Variants in PARP3 observed in about 807,000 individuals in gnomAD.
PARP3 encodes the protein protein mono-ADP-ribosyltransferase PARP3.
Under a neutral mutation model 58.2 loss-of-function variants are expected in PARP3, and 46 were observed. That is an observed-to-expected ratio of 0.79 (90% CI 0.62 to 1.01). The LOEUF is 1.01. PARP3 is among the 50% of genes least tolerant of loss of function. The pLI is 0.00. For synonymous variants in PARP3, 252 were observed against 266.4 expected (o/e 0.95, Z 0.53); for missense variants, 663 against 683.9 (o/e 0.97, Z 0.34).
At position 51,947,757 on chromosome 3, in the gene PARP3, G is replaced by A; in HGVS notation, c.1294G>A (p.Gly432Arg). 2 of 1,614,158 alleles carry A rather than the reference G, an allele frequency of 1.2e-6. No homozygotes were observed. Among genetic ancestry groups the A allele is most frequent in the Non-Finnish European group, 1.7e-6 (2 of 1,180,010 alleles). Residue 432 changes from glycine to arginine, a missense_variant, in exon 10 of 11, where the codon GGG (glycine) becomes AGG (arginine). By Grantham distance (125) the Gly-to-Arg change is moderately radical. Coordinates refer to ENST00000398755, the MANE Select transcript of PARP3 (RefSeq NM_001003931.4). ...SAGYVIGMKC[G>R]AHHVGYMFLG... Reference sequence around the variant, plus strand: ...TCTTGCAGTTATTGGCATGAAGTGTGGGGCCCACCATGTCGGCTACATGTT... The same window carrying A: ...TCTTGCAGTTATTGGCATGAAGTGTAGGGCCCACCATGTCGGCTACATGTT...
rs1699629373 is a variant in PARP3, at chr3:51,944,680, C to T, written c.502-98C>T. 1 of 1,574,688 alleles carries T rather than the reference C, an allele frequency of 6.4e-7. No individual in the cohort carries two copies. The highest frequency in any genetic ancestry group is 2.3e-5 in the East Asian group (1 of 44,394). On this transcript the variant is annotated intron_variant, in intron 4 of 10. Transcript: ENST00000398755. This position sits in a 1 kb window ranked among gnomAD's most constrained non-coding sequence, Gnocchi z 4.2. ...CTGCCACTGCCCAGCTGCGCAGCCT[C>T]AGCCACAGAACTCCCCTCTGGCCTC...
Position 51,946,062 on chromosome 3 carries a change from C to A in PARP3, c.1099-104C>A. 7.4e-7 allele frequency: 1 copy of A among 1,345,028 alleles called. No homozygotes were observed. Among genetic ancestry groups the A allele is most frequent in the Non-Finnish European group, 1.1e-6 (1 of 950,422 alleles). 83.3% of individuals were successfully genotyped at this position (1,345,028 alleles called of 1,614,324 possible). On this transcript the variant is annotated intron_variant, in intron 8 of 10. Coordinates refer to ENST00000398755, the MANE Select transcript of PARP3 (RefSeq NM_001003931.4). The surrounding 1 kb of genome is among the most constrained non-coding windows in gnomAD (Gnocchi z 4.6). ...TCAGTTTCTGCCGGCCATGAGTGCG[C>A]GTGAGTAAGCAGAGGGACACTAGGC... is the stretch of plus-strand genomic sequence containing the variant.
In PARP3 at chr3:51,942,497, C is replaced by T; in HGVS notation, c.-214C>T. The T allele has an allele frequency of 1.5e-6, 1 of 670,752 alleles. No homozygotes were observed. The highest frequency in any genetic ancestry group is 2.8e-6 in the Non-Finnish European group (1 of 362,990). The allele number at this position is 670,752 out of a possible 1,614,324, so 41.6% of individuals were successfully genotyped here. On this transcript the variant is annotated 5_prime_UTR_variant, in exon 1 of 11. Coordinates refer to ENST00000398755, the MANE Select transcript of PARP3 (RefSeq NM_001003931.4). ...GACTGGTCGCCTGACTCGGCCTGCCCCAGCCTCTGCTTCACCCCACTGGTG... is the reference window on the plus strand; with the variant it reads ...GACTGGTCGCCTGACTCGGCCTGCCTCAGCCTCTGCTTCACCCCACTGGTG...
chr3:51,943,331 G>A lies in PARP3; in HGVS notation c.-2-23G>A, dbSNP rs761070887. The A allele has an allele frequency of 2.6e-5, 40 of 1,545,406 alleles. No individual in the cohort carries two copies. In the Middle Eastern group the frequency reaches 1.4e-3, roughly 54 times the overall value. On this transcript the variant is annotated intron_variant, in intron 1 of 10. Coordinates refer to ENST00000398755, the MANE Select transcript of PARP3 (RefSeq NM_001003931.4). ...GATGAGGAGACCATGGAGGCCTAAGGGCCTCTCTGTGCCCCAGGACAGCCA... is the reference window on the plus strand; with the variant it reads ...GATGAGGAGACCATGGAGGCCTAAGAGCCTCTCTGTGCCCCAGGACAGCCA...
rs1480770172 is a variant in PARP3 at position 51,946,131 on chromosome 3, G to A, written c.1099-35G>A. ...GGCAAGGCGACTGAGTGCTCGGGTG[G>A]CATCACTCCCATTTCTCACTTCCTC... On this transcript the variant is annotated intron_variant, in intron 8 of 10. Transcript: ENST00000398755. The surrounding 1 kb of genome is among the most constrained non-coding windows in gnomAD (Gnocchi z 4.6). The A allele has an allele frequency of 1.9e-6, 3 of 1,555,664 alleles. No homozygotes were observed. Among genetic ancestry groups the A allele is most frequent in the South Asian group, 1.2e-5 (1 of 82,550 alleles).
In PARP3 at chr3:51,948,547, T is replaced by A; in HGVS notation, c.*67T>A. On this transcript the variant is annotated 3_prime_UTR_variant, in exon 11 of 11. Coordinates refer to ENST00000398755, the MANE Select transcript of PARP3 (RefSeq NM_001003931.4). The stretch of plus-strand genomic sequence containing the variant: ...GATCTTCAATCATCCTGCCCATCTC[T>A]GGTACCCCTATATCACTCCTTTTTT... 1 of 1,399,696 alleles carries A rather than the reference T, an allele frequency of 7.1e-7. No individual in the cohort carries two copies. The allele number at this position is 1,399,696 out of a possible 1,614,324, so 86.7% of individuals were successfully genotyped here.
chr3:51,944,664 C>A lies in PARP3; in HGVS notation c.501+86C>A. ...TCCCGCTGGTTGGGCTCTGCCACTG[C>A]CCAGCTGCGCAGCCTCAGCCACAGA... On this transcript the variant is annotated intron_variant, in intron 4 of 10. Transcript: ENST00000398755. The surrounding 1 kb of genome is among the most constrained non-coding windows in gnomAD (Gnocchi z 4.2). The A allele has an allele frequency of 6.3e-7, 1 of 1,575,138 alleles. No individual in the cohort carries two copies. The highest frequency in any genetic ancestry group is 1.2e-5 in the South Asian group (1 of 86,458).
rs1699685710 is a variant in PARP3 at position 51,946,736 on chromosome 3, G to A, written c.1276+393G>A. On this transcript the variant is annotated intron_variant, in intron 9 of 10. Transcript: ENST00000398755. This position sits in a 1 kb window ranked among gnomAD's most constrained non-coding sequence, Gnocchi z 4.6. Reference sequence around the variant, plus strand: ...ATCACACTCCAGCCTGTGTGACAGAGCCAGACTCCATCTGAAAAAATAAAA... The same window carrying A: ...ATCACACTCCAGCCTGTGTGACAGAACCAGACTCCATCTGAAAAAATAAAA... Among the ~76,000 whole-genome samples, 1 of 152,184 alleles carries A rather than the reference G, an allele frequency of 6.6e-6. No individual in the cohort carries two copies. The highest frequency in any genetic ancestry group is 6.5e-5 in the Admixed American group (1 of 15,278).
At chr3:51,948,159 GC>G in intron 10 of PARP3, 151 bp from the exon 11 acceptor site, 1 of 822,694 alleles carries the variant, frequency 1.2e-6, no homozygotes. Flanking sequence ...CCAGGCAGAA[GC>G]CCCAGCCCCT....
At position 51,944,790 on chromosome 3, in the gene PARP3, C is replaced by A. The variant is rs764655833; in HGVS notation, c.514C>A (p.Pro172Thr). The change falls in exon 5 of 11, where the codon CCA (proline) becomes ACA (threonine). Residue 172 changes from proline (P) to threonine (T), a missense_variant. By Grantham distance (38) the Pro-to-Thr change is conservative (BLOSUM62 -1). This residue lies in a region of PARP3 where 567 missense variants were observed against 553.6 expected (regional missense o/e 1.02). Transcript: ENST00000398755. This position sits in a 1 kb window ranked among gnomAD's most constrained non-coding sequence, Gnocchi z 4.2. ...CCTCTATCTTCAGGTGGACAGAGGC[C>A]CAGTGAGGACTGTGACTAAGCGGGT... ...QEAVVKVDRG[P>T]VRTVTKRVQP... 6.2e-6 allele frequency: 10 copies of A among 1,611,152 alleles called. No homozygotes were observed. In the Admixed American group the frequency reaches 1.7e-4, roughly 27 times the overall value.
rs1251218912 is a variant in PARP3 at position 51,944,376 on chromosome 3, G to A, written c.313-14G>A. The A allele has an allele frequency of 6.2e-7, 1 of 1,613,398 alleles. No homozygotes were observed. The highest frequency in any genetic ancestry group is 8.5e-7 in the Non-Finnish European group (1 of 1,179,820). ...GCTGATGGTGGGCATACCCCTGAAG[G>A]CTGTCGGTTGCAGGGAGAGGTCGGC... is the stretch of plus-strand genomic sequence containing the variant. On this transcript the variant is annotated splice_polypyrimidine_tract_variant and intron_variant, in intron 3 of 10. Coordinates refer to ENST00000398755, the MANE Select transcript of PARP3 (RefSeq NM_001003931.4). This position sits in a 1 kb window ranked among gnomAD's most constrained non-coding sequence, Gnocchi z 4.2.
Position 51,944,390 on chromosome 3 carries a change from G to A in PARP3, c.313G>A (p.Gly105Arg). Residue 105 changes from glycine (G) to arginine (R), a missense_variant and splice_region_variant, in exon 4 of 11, where the codon GGA (glycine) becomes AGA (arginine). By Grantham distance (125) the Gly-to-Arg change is moderately radical (BLOSUM62 -2). Around this residue, in one of 3 missense-constraint regions of PARP3, gnomAD observed 567 missense variants for 553.6 expected, o/e 1.02. Coordinates refer to ENST00000398755, the MANE Select transcript of PARP3 (RefSeq NM_001003931.4). This position sits in a 1 kb window ranked among gnomAD's most constrained non-coding sequence, Gnocchi z 4.2. ...FTCWNRWGRVGEVGQSKINHF... is the reference protein window; with the variant it reads ...FTCWNRWGRVREVGQSKINHF... ...TACCCCTGAAGGCTGTCGGTTGCAG[G>A]GAGAGGTCGGCCAGTCAAAGATCAA... 6.2e-7 allele frequency: 1 copy of A among 1,613,734 alleles called. No homozygotes were observed. Among genetic ancestry groups the A allele is most frequent in the Non-Finnish European group, 8.5e-7 (1 of 1,180,018 alleles).
At chr3:51,945,721 A>AG in intron 7 of PARP3, 77 bp downstream of exon 7, 1 of 1,559,422 alleles carries the variant, frequency 6.4e-7, no homozygotes, top group Non-Finnish European at 8.8e-7. Flanking sequence ...AGGTGCCCAG[A>AG]GGAATACTCG....
In PARP3 at chr3:51,944,065, C is replaced by A; in HGVS notation, c.184-24C>A. The A allele has an allele frequency of 6.2e-7, 1 of 1,608,524 alleles. No individual in the cohort carries two copies. On this transcript the variant is annotated intron_variant, in intron 2 of 10. Transcript: ENST00000398755. The surrounding 1 kb of genome is among the most constrained non-coding windows in gnomAD (Gnocchi z 4.2). ...ACCCCATCTGACCCCAGCCAGCCTG[C>A]CCCCCACCTCCCCTCTGGCCCAGGT...
Position 51,945,257 on chromosome 3 carries a change from G to C in PARP3, c.861+33G>C, listed in dbSNP as rs776325040. ...CTGGCAGGGGTGCGGGCAGGCAGTG[G>C]GGCACTGAACAGACAGCCTAGGCGA... On this transcript the variant is annotated intron_variant, in intron 6 of 10. Coordinates refer to ENST00000398755, the MANE Select transcript of PARP3 (RefSeq NM_001003931.4). 1.9e-6 allele frequency: 3 copies of C among 1,597,294 alleles called. No homozygotes were observed. In the Admixed American group the frequency reaches 5.0e-5, roughly 27 times the overall value.
chr3:51,944,903 G>A lies in PARP3; in HGVS notation c.627G>A (p.Met209Ile), dbSNP rs1699635425. ...KEMFKNTMAL[M>I]DLDVKKMPLG... ...TGTTCAAGAACACCATGGCCCTCAT[G>A]GACCTGGGTGAGGGGTGAGAGGCAG... Residue 209 changes from methionine (M) to isoleucine (I), a missense_variant, in exon 5 of 11, where the codon ATG becomes ATA. Met to Ile is a conservative substitution (Grantham distance 10, BLOSUM62 1). Around this residue, in one of 3 missense-constraint regions of PARP3, gnomAD observed 567 missense variants for 553.6 expected, o/e 1.02. Coordinates refer to ENST00000398755, the MANE Select transcript of PARP3 (RefSeq NM_001003931.4). This position sits in a 1 kb window ranked among gnomAD's most constrained non-coding sequence, Gnocchi z 4.2. 1 of 1,613,794 alleles carries A rather than the reference G, an allele frequency of 6.2e-7. No individual in the cohort carries two copies.
intron 1 of PARP3, chr3:51,942,992 CG>C: frequency 7.1e-7 from 1 of 1,402,508 alleles, no homozygotes; most frequent in Non-Finnish European, 9.2e-7. Flanking sequence ...GGAGGAGCCC[CG>C]AAGTGGAAGA....
chr3:51,947,849 A>G lies in PARP3; in HGVS notation c.1386A>G (p.Pro462=). ...INTDNPSLKS[P]PPGFDSVIAR... ...CGGACAACCCCAGCTTGAAGAGCCC[A>G]CCTCCTGGCTTCGACAGTGTCATTG... Residue 462 remains proline (P), a synonymous_variant, in exon 10 of 11, where the codon CCA becomes CCG. Coordinates refer to ENST00000398755, the MANE Select transcript of PARP3 (RefSeq NM_001003931.4). The G allele has an allele frequency of 6.2e-7, 1 of 1,613,708 alleles. No individual in the cohort carries two copies. Among genetic ancestry groups the G allele is most frequent in the Non-Finnish European group, 8.5e-7 (1 of 1,179,946 alleles).
At chr3:51,947,106 G>A (rs549527817) in intron 9 of PARP3, among the ~76,000 whole-genome samples, 41 of 152,298 alleles carry the variant, frequency 2.7e-4, no homozygotes, top group African/African-American at 9.6e-4. Context: ...CATGAGAGGG[G>A]CATGTAGGAG....
Sources: allele counts gnomAD v4.1 joint callset (sites outside exome capture counted in the v4.1 genomes callset), GRCh38; gene constraint gnomAD v4.1.1; regional missense constraint gnomAD v4.1.1; non-coding constraint Gnocchi (gnomAD v3.1); transcripts MANE v1.5; gene names NCBI Gene and HGNC (gene_info 2026-07-23, HGNC 2026-07-21).